Variants in PRKCB observed in about 807,000 individuals in gnomAD.
The protein encoded by PRKCB is protein kinase C beta type.
Under a neutral mutation model 81.5 loss-of-function variants are expected in PRKCB, and 13 were observed. The ratio of observed to expected loss-of-function variants is 0.16; its 90% CI spans 0.10 to 0.25. PRKCB has a LOEUF of 0.25. Ranked by LOEUF, PRKCB falls within the 10% of genes least tolerant of loss-of-function variation. PRKCB has a pLI of 1.00. For synonymous variants in PRKCB, 335 were observed against 321.4 expected (o/e 1.04, Z -0.45); for missense variants, 509 against 875.7 (o/e 0.58, Z 5.29).
At chr16:23,919,697 A>G (rs1205408758) in intron 2 of PRKCB, among the ~76,000 whole-genome samples, 1 of 152,180 alleles carries the variant, frequency 6.6e-6, no homozygotes, top group East Asian at 1.9e-4. Context: ...GGCCACCACC[A>G]TTCTACTTTG....
Position 24,217,140 on chromosome 16 carries a change from GGAAGGAAGGAAA to G in PRKCB, c.*2337_*2348del, listed in dbSNP as rs1210542327. On this transcript the variant is annotated 3_prime_UTR_variant, in exon 17 of 17. Transcript: ENST00000643927. ...AAAGAAGGAAAGAAAGAAAGAGAAA[GGAAGGAAGGAAA>G]GAAGGAAGGAAAAGAAGGAAGGAAG... The G allele has an allele frequency of 6.1e-6, 6 of 978,314 alleles. No individual in the cohort carries two copies. In the Admixed American group the frequency reaches 3.8e-4, roughly 61 times the overall value. 60.6% of individuals were successfully genotyped at this position (978,314 alleles called of 1,614,324 possible).
In PRKCB at chr16:24,216,093, G is replaced by A. The variant is rs922523898; in HGVS notation, c.*1277G>A. ...AAGTGGGAACTGAGGAGGGAACTCA[G>A]GAGAAAGGAACTAACTGCGGAGCTT... On this transcript the variant is annotated 3_prime_UTR_variant, in exon 17 of 17. Coordinates refer to ENST00000643927, the MANE Select transcript of PRKCB (RefSeq NM_002738.7). 1 of 985,416 alleles carries A rather than the reference G, an allele frequency of 1.0e-6. No homozygotes were observed. The highest frequency in any genetic ancestry group is 1.2e-6 in the Non-Finnish European group (1 of 829,934). The allele number at this position is 985,416 out of a possible 1,614,324, so 61.0% of individuals were successfully genotyped here.
At chr16:24,212,568 G>T (rs144543757) in intron 16 of PRKCB, among the ~76,000 whole-genome samples, 1 of 140,896 alleles carries the variant, frequency 7.1e-6, no homozygotes, top group Non-Finnish European at 1.5e-5. Flanking sequence ...CCTCTACCTC[G>T]CTGGCTCAAG....
chr16:23,973,973 A>C (rs1411617056), intron 2 of PRKCB, among the ~76,000 whole-genome samples: 1 of 152,224 alleles, frequency 6.6e-6, no homozygotes, highest in African/African-American at 2.4e-5. Flanking sequence ...GACCAGCTGG[A>C]AATGATATTT....
chr16:24,078,607 C>T (rs1322743443), intron 5 of PRKCB, among the ~76,000 whole-genome samples: 7 of 152,132 alleles, frequency 4.6e-5, no homozygotes, highest in African/African-American at 1.2e-4. Flanking sequence ...AAAACTCTGC[C>T]GTGCATGAGT....
rs1965559524 is a variant in PRKCB, at chr16:24,032,269, G to A, written c.400+22G>A. ...GACAGTAAGTACTTTTTCTCTCTGG[G>A]GGCATCTGCTGATGGCAGAAGCAAT... On this transcript the variant is annotated intron_variant, in intron 4 of 16. Transcript: ENST00000643927. The A allele has an allele frequency of 2.6e-6, 4 of 1,543,706 alleles. No individual in the cohort carries two copies. The African/African-American group carries it at 4.1e-5, about 16-fold the overall frequency.
At chr16:24,101,240 G>A (rs796743540) in intron 7 of PRKCB, among the ~76,000 whole-genome samples, 15 of 152,156 alleles carry the variant, frequency 9.9e-5, no homozygotes, top group African/African-American at 3.4e-4. Context: ...AGCTGTTATC[G>A]TCTTTGTTTT....
intron 9 of PRKCB, among the ~76,000 whole-genome samples, chr16:24,125,904 G>T (rs1021986866): frequency 6.6e-6 from 1 of 152,198 alleles, no homozygotes; most frequent in East Asian, 1.9e-4. Flanking sequence ...CCTAAGGTTG[G>T]GAATAGGCAG....
chr16:24,184,986 T>C, intron 13 of PRKCB, 125 bp from the exon 14 acceptor site: 1 of 812,252 alleles, frequency 1.2e-6, no homozygotes, highest in Non-Finnish European at 2.1e-6. Context: ...TGTCATTCCC[T>C]GAATAGCTAA....
At chr16:24,052,428 G>A (rs967036941) in intron 5 of PRKCB, among the ~76,000 whole-genome samples, 9 of 152,196 alleles carry the variant, frequency 5.9e-5, no homozygotes, top group Non-Finnish European at 1.0e-4. Flanking sequence ...GTCAAAGCAA[G>A]CTTACTAAGA....
chr16:24,180,274 A>G (rs984001390), intron 12 of PRKCB, among the ~76,000 whole-genome samples: 1 of 151,884 alleles, frequency 6.6e-6, no homozygotes, highest in Non-Finnish European at 1.5e-5. Context: ...ATTGATGGAA[A>G]CTCCTGGGTC....
Position 23,882,025 on chromosome 16 carries a change from C to CTTTCTCTTTCTTTCTTT in PRKCB, c.205+44619_205+44620insTTTCTCTTTCTTTCTTT, listed in dbSNP as rs1597226197. Among the ~76,000 whole-genome samples the CTTTCTCTTTCTTTCTTT allele has an allele frequency of 6.6e-4, 12 of 18,300 alleles. 1 individual carries two copies. Among genetic ancestry groups the CTTTCTCTTTCTTTCTTT allele is most frequent in the Non-Finnish European group, 1.3e-3 (11 of 8,392 alleles). The allele number at this position is 18,300 out of a possible 152,430, so 12.0% of individuals were successfully genotyped here. On this transcript the variant is annotated intron_variant, in intron 2 of 16. Coordinates refer to ENST00000643927, the MANE Select transcript of PRKCB (RefSeq NM_002738.7). ...TTCTTTCTTTCTTTCTTTCTTTCTTCCTTCCTTCCTTCCTTCCTTCCTTCC... is the reference window on the plus strand; with the variant it reads ...TTCTTTCTTTCTTTCTTTCTTTCTTCTTTCTCTTTCTTTCTTTCTTCCTTCCTTCCTTCCTTCCTTCC...
chr16:24,118,245 T>C (rs1966757610), intron 8 of PRKCB, among the ~76,000 whole-genome samples: 1 of 152,276 alleles, frequency 6.6e-6, no homozygotes, highest in Admixed American at 6.5e-5. Flanking sequence ...TGGGGAATTA[T>C]AGCACTTCTT....
At chr16:23,875,495 ATATATATATATG>A (rs1333538020) in intron 2 of PRKCB, among the ~76,000 whole-genome samples, 2 of 123,276 alleles carry the variant, frequency 1.6e-5, no homozygotes, top group African/African-American at 6.0e-5. Flanking sequence ...ATATATATAT[ATATATATATATG>A]ATGTATATCA....
chr16:23,927,286 A>G (rs1963910627), intron 2 of PRKCB, among the ~76,000 whole-genome samples: 1 of 152,080 alleles, frequency 6.6e-6, no homozygotes, highest in Non-Finnish European at 1.5e-5. Flanking sequence ...GAAATAGTAT[A>G]TACAAAAGCA....
rs1403300065 is a variant in PRKCB, at chr16:24,217,438, T to C, written c.*2622T>C. On this transcript the variant is annotated 3_prime_UTR_variant, in exon 17 of 17. Transcript: ENST00000643927. Reference sequence around the variant, plus strand: ...TCTTGGGGGATTAATGGGAGGTCAGTAGAATTAATAACCCTCCTTGGATGA... The same window carrying C: ...TCTTGGGGGATTAATGGGAGGTCAGCAGAATTAATAACCCTCCTTGGATGA... 5 of 985,382 alleles carry C rather than the reference T, an allele frequency of 5.1e-6. No individual in the cohort carries two copies. Among genetic ancestry groups the C allele is most frequent in the Non-Finnish European group, 6.0e-6 (5 of 829,924 alleles). 61.0% of individuals were successfully genotyped at this position (985,382 alleles called of 1,614,324 possible). A position where few individuals can be genotyped will look rare whatever the true frequency, so the allele number is the denominator to read the frequency against.
rs751886977 is a variant in PRKCB at position 23,988,588 on chromosome 16, G to A, written c.286G>A (p.Asp96Asn). The A allele has an allele frequency of 3.1e-6, 5 of 1,613,736 alleles. No individual in the cohort carries two copies. The highest frequency in any genetic ancestry group is 2.2e-5 in the East Asian group (1 of 44,878). ...CPGADKGPAS[D>N]DPRSKHKFKI... The stretch of plus-strand genomic sequence containing the variant: ...TGGCGCTGACAAGGGTCCAGCCTCC[G>A]ATGTAAGTAATGGGCATCGATTGCT... Residue 96 changes from aspartate (D) to asparagine (N), a missense_variant and splice_region_variant, in exon 3 of 17, where the codon GAT (aspartate) becomes AAT (asparagine). Asp to Asn is a conservative substitution (Grantham distance 23, BLOSUM62 1). Around this residue, in one of 6 missense-constraint regions of PRKCB, gnomAD observed 184 missense variants for 362.9 expected, o/e 0.51. Transcript: ENST00000643927.
At chr16:23,912,720 G>T (rs1025153438) in intron 2 of PRKCB, among the ~76,000 whole-genome samples, 1 of 150,398 alleles carries the variant, frequency 6.6e-6, no homozygotes, top group South Asian at 2.1e-4. Flanking sequence ...ACCCTGTTGG[G>T]CAGGCTGGTC....
intron 9 of PRKCB, among the ~76,000 whole-genome samples, chr16:24,143,606 G>A (rs1431783672): frequency 6.6e-6 from 1 of 152,070 alleles, no homozygotes; most frequent in African/African-American, 2.4e-5. Flanking sequence ...GAGGCCTACA[G>A]TATATACACA....
Sources: allele counts gnomAD v4.1 joint callset (sites outside exome capture counted in the v4.1 genomes callset), GRCh38; gene constraint gnomAD v4.1.1; regional missense constraint gnomAD v4.1.1; transcripts MANE v1.5; gene names NCBI Gene and HGNC (gene_info 2026-07-23, HGNC 2026-07-21).